The following CA5A variants were observed in gnomAD, a reference collection of about 807,000 sequenced individuals.
CA5A encodes carbonic anhydrase 5A.
Under a neutral mutation model 37.1 loss-of-function variants are expected in CA5A, and 28 were observed. The ratio of observed to expected loss-of-function variants is 0.75; its 90% CI spans 0.56 to 1.03. The LOEUF (loss-of-function observed/expected upper bound fraction) is 1.03, where lower values mean the gene tolerates loss of function less well. CA5A is among the 50% of genes least tolerant of loss of function. CA5A has a pLI of 0.00. For synonymous variants in CA5A, 171 were observed against 158.4 expected (o/e 1.08, Z -0.60); for missense variants, 444 against 399.9 (o/e 1.11, Z -0.94).
At chr16:87,897,467 A>G (rs976540873) in intron 5 of CA5A, among the ~76,000 whole-genome samples, 2 of 140,264 alleles carry the variant, frequency 1.4e-5, no homozygotes, top group Non-Finnish European at 3.1e-5. Context: ...AGCTGAGTGC[A>G]TAGTGACAGG....
intron 2 of CA5A, among the ~76,000 whole-genome samples, chr16:87,922,191 CTGTT>C (rs1331850342): frequency 6.6e-5 from 10 of 152,092 alleles, no homozygotes; most frequent in African/African-American, 2.4e-4. Flanking sequence ...TGTGTGAGAA[CTGTT>C]TGTCAGCCCC....
chr16:87,920,996 T>C (rs186724113), intron 2 of CA5A, among the ~76,000 whole-genome samples: 7 of 152,030 alleles, frequency 4.6e-5, no homozygotes, highest in African/African-American at 1.7e-4. Context: ...TTTCTCCATG[T>C]TGGTCAGGCT....
intron 2 of CA5A, among the ~76,000 whole-genome samples, chr16:87,916,010 G>C (rs2056136123): frequency 1.3e-5 from 2 of 151,994 alleles, no homozygotes; most frequent in South Asian, 2.1e-4. Context: ...GGCAGGTCTT[G>C]CATGGGGGCA....
At chr16:87,933,196 A>C (rs371282277) in intron 1 of CA5A, among the ~76,000 whole-genome samples, 17 of 152,212 alleles carry the variant, frequency 1.1e-4, no homozygotes, top group African/African-American at 3.9e-4. Flanking sequence ...GAGGTTTAAT[A>C]AGCCGTTCTC....
rs1262359421 is a variant in CA5A, at chr16:87,916,434, G to T, written c.340+10314C>A. On this transcript the variant is annotated intron_variant, in intron 2 of 6. Transcript: ENST00000649794. ...CTGGAATGCTCCTCCCCACCGTCAT[G>T]AAGCTGGCACTTTCTTACCAGCTGG... Among the ~76,000 whole-genome samples, 3 of 152,166 alleles carry T rather than the reference G, an allele frequency of 2.0e-5. No homozygotes were observed. The East Asian group carries it at 5.8e-4, about 29-fold the overall frequency.
intron 2 of CA5A, among the ~76,000 whole-genome samples, chr16:87,909,728 T>C (rs1007053741): frequency 9.2e-5 from 14 of 152,308 alleles, no homozygotes; most frequent in Admixed American, 2.6e-4. Context: ...TCACTGCAAA[T>C]TTTAAATCCC....
chr16:87,928,214 G>C (rs2144078752), intron 1 of CA5A, among the ~76,000 whole-genome samples: 1 of 152,290 alleles, frequency 6.6e-6, no homozygotes, highest in Non-Finnish European at 1.5e-5. Context: ...GTGCCACCCA[G>C]GCTGGAGTGT....
chr16:87,907,195 G>A (rs2143974775), intron 2 of CA5A, among the ~76,000 whole-genome samples: 1 of 152,214 alleles, frequency 6.6e-6, no homozygotes, highest in East Asian at 1.9e-4. Flanking sequence ...TTCAGCCTGG[G>A]CGACAGAGTG....
intron 2 of CA5A, among the ~76,000 whole-genome samples, chr16:87,914,676 G>A (rs951548827): frequency 6.6e-6 from 1 of 150,748 alleles, no homozygotes; most frequent in African/African-American, 2.4e-5. Context: ...CAACACGAGG[G>A]AACCACGGAG....
At chr16:87,916,733 C>T (rs8045014) in intron 2 of CA5A, among the ~76,000 whole-genome samples, 103,523 of 152,076 alleles carry the variant, frequency 0.68, 36,550 homozygotes, top group African/African-American at 0.86. Flanking sequence ...ATTGATCCTT[C>T]CTCCCTACAA....
At chr16:87,924,321 C>T (rs766107241) in intron 2 of CA5A, 5 of 984,978 alleles carry the variant, frequency 5.1e-6, no homozygotes, top group South Asian at 9.4e-5. Context: ...ATACAGGCAG[C>T]GTGGCTCCTT....
intron 5 of CA5A, chr16:87,893,294 A>G (rs1404943985): frequency 5.7e-6 from 2 of 351,696 alleles, no homozygotes; most frequent in Non-Finnish European, 1.1e-5. Flanking sequence ...CGACCAGCTA[A>G]TTTTTTATAT....
intron 3 of CA5A, 146 bp downstream of exon 3, chr16:87,904,640 C>T (rs936742502): frequency 2.7e-5 from 15 of 561,448 alleles, no homozygotes; most frequent in African/African-American, 5.7e-5. Context: ...GTGGGGCGGC[C>T]GACGGTTCTG....
intron 3 of CA5A, among the ~76,000 whole-genome samples, chr16:87,902,869 G>A (rs1406705399): frequency 6.6e-6 from 1 of 151,014 alleles, no homozygotes; most frequent in Non-Finnish European, 1.5e-5. Flanking sequence ...CTGAGATTGT[G>A]CCACTGCACT....
chr16:87,916,977 C>T (rs1284269871), intron 2 of CA5A, among the ~76,000 whole-genome samples: 2 of 151,894 alleles, frequency 1.3e-5, no homozygotes, highest in African/African-American at 2.4e-5. Context: ...TGGTGGTAGG[C>T]GCCTGTAGTC....
intron 1 of CA5A, among the ~76,000 whole-genome samples, chr16:87,932,095 C>G (rs2056414625): frequency 1.3e-5 from 2 of 151,956 alleles, no homozygotes; most frequent in African/African-American, 4.8e-5. Context: ...GCCTGAGCAA[C>G]AAGAGGCAGA....
intron 3 of CA5A, among the ~76,000 whole-genome samples, chr16:87,904,431 G>C (rs1401919620): frequency 6.6e-6 from 1 of 152,162 alleles, no homozygotes; most frequent in Non-Finnish European, 1.5e-5. Context: ...TCTCAGCAGA[G>C]GGCCTTGTGG....
intron 2 of CA5A, among the ~76,000 whole-genome samples, chr16:87,914,394 T>C (rs117684237): frequency 2.8e-3 from 425 of 152,312 alleles, no homozygotes; most frequent in South Asian, 7.0e-3. Flanking sequence ...TGATGGCATA[T>C]TGACCAAAAC....
intron 2 of CA5A, among the ~76,000 whole-genome samples, chr16:87,918,559 G>C (rs150181864): frequency 2.5e-3 from 377 of 152,334 alleles, no homozygotes; most frequent in African/African-American, 8.6e-3. Flanking sequence ...CACGCCGACG[G>C]AAATTTCCTT....
Sources: allele counts gnomAD v4.1 joint callset (sites outside exome capture counted in the v4.1 genomes callset), GRCh38; gene constraint gnomAD v4.1.1; transcripts MANE v1.5; gene names NCBI Gene and HGNC (gene_info 2026-07-23, HGNC 2026-07-21).